The following RIMKLB variants were observed in gnomAD, a reference collection of about 807,000 sequenced individuals.
The protein encoded by RIMKLB is beta-citrylglutamate synthase B.
A neutral mutation model predicts 32.0 loss-of-function variants in RIMKLB; 7 were observed. The observed-to-expected ratio is 0.22, with a 90% CI of 0.12 to 0.41. The LOEUF is 0.41. Ranked by LOEUF, RIMKLB falls within the 10% of genes least tolerant of loss-of-function variation. RIMKLB has a pLI of 1.00. For missense variants in RIMKLB, 289 were observed against 498.7 expected (o/e 0.58, Z 4.00); for synonymous variants, 172 against 185.1 (o/e 0.93, Z 0.57).
intron 1 of RIMKLB, among the ~76,000 whole-genome samples, chr12:8,707,749 G>T (rs1309618482): frequency 6.6e-6 from 1 of 152,166 alleles, no homozygotes; most frequent in Non-Finnish European, 1.5e-5. Flanking sequence ...CATCATTTTG[G>T]AGATTCTTAT....
At chr12:8,779,122 C>G (rs1950897267), downstream of RIMKLB, 1 of 152,154 alleles carries the variant, frequency 6.6e-6, no homozygotes, top group Non-Finnish European at 1.5e-5. Flanking sequence ...TCAGGAGAGC[C>G]TTGTACTCAG....
At position 8,775,098 on chromosome 12, in the gene RIMKLB, GTTGT is replaced by G. The variant is rs958914441; in HGVS notation, c.*1321_*1324del. The G allele has an allele frequency of 2.2e-5, 22 of 985,628 alleles. No homozygotes were observed. The highest frequency in any genetic ancestry group is 1.2e-4 in the Admixed American group (2 of 16,268). 61.1% of individuals were successfully genotyped at this position (985,628 alleles called of 1,614,324 possible). A position where few individuals can be genotyped will look rare whatever the true frequency, so the allele number is the denominator to read the frequency against. On this transcript the variant is annotated 3_prime_UTR_variant, in exon 6 of 6. Coordinates refer to ENST00000535829, the MANE Select transcript of RIMKLB (RefSeq NM_001297776.2). Reference sequence around the variant, plus strand: ...TTTAGGCCTTTTTGTGTATATGTACGTTGTTTGTTTTTTTCCTTTTGTTTCTAGC... The same window carrying G: ...TTTAGGCCTTTTTGTGTATATGTACGTTGTTTTTTTCCTTTTGTTTCTAGC...
intron 2 of RIMKLB, among the ~76,000 whole-genome samples, chr12:8,716,081 A>G (rs11046900): frequency 0.073 from 11,079 of 152,178 alleles, 1,312 homozygotes; most frequent in African/African-American, 0.25. Flanking sequence ...ACTCAACACT[A>G]CTCCTACAAG....
At position 8,682,677 on chromosome 12, in the gene RIMKLB, C is replaced by G. The variant is rs771523573; in HGVS notation, n.219+859C>G. Among the ~76,000 whole-genome samples the G allele has an allele frequency of 1.4e-3, 217 of 151,534 alleles. 1 individual carries two copies. The highest frequency in any genetic ancestry group is 6.8e-3 in the Middle Eastern group (2 of 294). ...GTCCCAGCTACTCGGGAGGCTGAGG[C>G]AGGAGAACGGCGTGAACCCGGGAGG... On this transcript the variant is annotated intron_variant and non_coding_transcript_variant, in intron 1 of 1. Transcript: ENST00000538758.
chr12:8,769,286 T>G (rs990718184), intron 5 of RIMKLB, among the ~76,000 whole-genome samples: 3 of 152,114 alleles, frequency 2.0e-5, no homozygotes, highest in African/African-American at 7.2e-5. Flanking sequence ...TTTTTTTAAT[T>G]TCATTAATTT....
downstream of RIMKLB, chr12:8,780,141 GA>G (rs1344157244): frequency 6.6e-6 from 1 of 152,190 alleles, no homozygotes; most frequent in Non-Finnish European, 1.5e-5. Context: ...TTAGTTTCTA[GA>G]ATTACTTTAA....
chr12:8,723,023 A>G (rs912476227), intron 2 of RIMKLB, among the ~76,000 whole-genome samples: 1 of 152,210 alleles, frequency 6.6e-6, no homozygotes, highest in Admixed American at 6.5e-5. Flanking sequence ...TTGCTTTCTT[A>G]TCATTCATGT....
intron 5 of RIMKLB, among the ~76,000 whole-genome samples, chr12:8,764,546 G>A (rs902763893): frequency 2.6e-5 from 4 of 152,138 alleles, no homozygotes; most frequent in Non-Finnish European, 5.9e-5. Context: ...ACCGTTGTCC[G>A]GGACAGGAGA....
chr12:8,700,160 A>G (rs1482937028), intron 1 of RIMKLB: 2 of 152,192 alleles, frequency 1.3e-5, no homozygotes, highest in African/African-American at 4.8e-5. Context: ...GGAAATTACC[A>G]GTAAACTCTT....
intron 5 of RIMKLB, 23 bp downstream of exon 5, chr12:8,754,116 T>C (rs1314354573): frequency 6.5e-7 from 1 of 1,537,078 alleles, no homozygotes; most frequent in South Asian, 1.1e-5. Flanking sequence ...CAATTATCTT[T>C]CTAGTATATA....
Position 8,776,845 on chromosome 12 carries a change from A to G in RIMKLB, c.*3061A>G. On this transcript the variant is annotated 3_prime_UTR_variant, in exon 6 of 6. Transcript: ENST00000535829. ...GCACATTATCAGACTTTGAGAACATATTGAAGGCATTGACTTTGAAAATCA... is the reference window on the plus strand; with the variant it reads ...GCACATTATCAGACTTTGAGAACATGTTGAAGGCATTGACTTTGAAAATCA... The G allele has an allele frequency of 3.0e-6, 3 of 985,846 alleles. No individual in the cohort carries two copies. The highest frequency in any genetic ancestry group is 3.6e-6 in the Non-Finnish European group (3 of 829,924). The allele number at this position is 985,846 out of a possible 1,614,324, so 61.1% of individuals were successfully genotyped here.
chr12:8,729,662 C>G (rs944217039), intron 2 of RIMKLB, among the ~76,000 whole-genome samples: 3 of 152,138 alleles, frequency 2.0e-5, no homozygotes, highest in Non-Finnish European at 2.9e-5. Context: ...TGGGCCCTCA[C>G]CAGGGATCTG....
At chr12:8,726,589 T>C (rs1946030256) in intron 2 of RIMKLB, among the ~76,000 whole-genome samples, 1 of 152,162 alleles carries the variant, frequency 6.6e-6, no homozygotes, top group East Asian at 1.9e-4. Flanking sequence ...CCATTTGCTT[T>C]TTTATTTTTA....
At chr12:8,730,766 G>A (rs1395079430) in intron 2 of RIMKLB, among the ~76,000 whole-genome samples, 2 of 152,160 alleles carry the variant, frequency 1.3e-5, no homozygotes, top group African/African-American at 4.8e-5. Flanking sequence ...TTGAGACGGA[G>A]TCTTGCTCTG....
chr12:8,741,653 G>A (rs1369776076), intron 2 of RIMKLB, among the ~76,000 whole-genome samples: 2 of 150,726 alleles, frequency 1.3e-5, no homozygotes, highest in African/African-American at 2.5e-5. Context: ...GATGGCGGGT[G>A]CCTGTAGTCC....
At chr12:8,769,675 A>G (rs909254850) in intron 5 of RIMKLB, among the ~76,000 whole-genome samples, 8 of 152,110 alleles carry the variant, frequency 5.3e-5, no homozygotes, top group African/African-American at 1.9e-4. Flanking sequence ...AGGGTTTTGC[A>G]TTCCATTAAT....
chr12:8,710,340 C>T (rs141246195), intron 1 of RIMKLB, among the ~76,000 whole-genome samples: 9 of 139,756 alleles, frequency 6.4e-5, no homozygotes, highest in African/African-American at 2.4e-4. Context: ...TGGAGTTTCG[C>T]TCTGTCACCC....
At chr12:8,766,587 A>G (rs898383406) in intron 5 of RIMKLB, among the ~76,000 whole-genome samples, 4 of 152,348 alleles carry the variant, frequency 2.6e-5, no homozygotes, top group Admixed American at 2.6e-4. Context: ...AGGTTTGAGC[A>G]GACCAATTAT....
chr12:8,763,033 G>T (rs1420420181), intron 5 of RIMKLB, among the ~76,000 whole-genome samples: 1 of 152,182 alleles, frequency 6.6e-6, no homozygotes, highest in Non-Finnish European at 1.5e-5. Flanking sequence ...TTAAGCAAAT[G>T]GTTGTCTGAC....
Sources: allele counts gnomAD v4.1 joint callset (sites outside exome capture counted in the v4.1 genomes callset), GRCh38; gene constraint gnomAD v4.1.1; transcripts MANE v1.5; gene names NCBI Gene and HGNC (gene_info 2026-07-23, HGNC 2026-07-21).